SCUBE2: variants seen among roughly 807,000 people sequenced by gnomAD.
SCUBE2 encodes signal peptide, CUB and EGF-like domain-containing protein 2.
In SCUBE2, 114 loss-of-function variants were observed where a neutral mutation model predicts 125.9. The observed-to-expected ratio is 0.91, with a 90% CI of 0.78 to 1.06. The LOEUF (loss-of-function observed/expected upper bound fraction) is 1.06. Among genes scored for constraint, SCUBE2 ranks in the 50% least tolerant of loss-of-function variants. The pLI, the probability that SCUBE2 is intolerant of heterozygous loss-of-function variation, is 0.00. For synonymous variants in SCUBE2, 459 were observed against 492.9 expected, an observed-to-expected ratio of 0.93 and a Z score of 0.91; for missense variants, 1,255 against 1,301.8, an observed-to-expected ratio of 0.96 and a Z score of 0.55.
intron 2 of SCUBE2, among the ~76,000 whole-genome samples, chr11:9,082,704 GTGAAAGAATCCAAC>G (rs1211682010): frequency 6.6e-6 from 1 of 152,224 alleles, no homozygotes; most frequent in Non-Finnish European, 1.5e-5. Context: ...ATTTTGCTAA[GTGAAAGAATCCAAC>G]ACAAAAGACC....
intron 7 of SCUBE2, among the ~76,000 whole-genome samples, chr11:9,062,213 T>C (rs902573711): frequency 1.1e-4 from 16 of 152,194 alleles, no homozygotes; most frequent in African/African-American, 1.2e-4. Flanking sequence ...TTTAAAGCCA[T>C]TGAAAATTCC....
intron 22 of SCUBE2, 26 bp from the exon 23 acceptor site, chr11:9,021,223 T>C: frequency 1.3e-6 from 2 of 1,523,650 alleles, no homozygotes; most frequent in Non-Finnish European, 1.8e-6. Context: ...TTTTTGTTAC[T>C]GGGCCAAAAT....
intron 19 of SCUBE2, among the ~76,000 whole-genome samples, chr11:9,029,320 C>T (rs1856065717): frequency 6.6e-6 from 1 of 152,218 alleles, no homozygotes; most frequent in African/African-American, 2.4e-5. Context: ...CCAGGGGTCT[C>T]CTCCCAAAAG....
At chr11:9,059,748 G>C (rs1859472821) in intron 8 of SCUBE2, 1 of 287,742 alleles carries the variant, frequency 3.5e-6, no homozygotes, top group African/African-American at 2.1e-5. Flanking sequence ...AGGTAAGATG[G>C]GTCTCTTTAG....
intron 16 of SCUBE2, among the ~76,000 whole-genome samples, chr11:9,038,689 A>C (rs79902325): frequency 0.02 from 2,982 of 152,316 alleles, 43 homozygotes; most frequent in Non-Finnish European, 0.032. Context: ...AGATTGCCTA[A>C]TAGCAAGAAA....
At chr11:9,045,317 G>T (rs144992050) in intron 16 of SCUBE2, among the ~76,000 whole-genome samples, 2 of 152,134 alleles carry the variant, frequency 1.3e-5, no homozygotes, top group East Asian at 3.9e-4. Flanking sequence ...CATCTTTACT[G>T]TATACATTTC....
rs1566200880 is a variant in SCUBE2, at chr11:9,051,241, T to TAC, written c.1535-532_1535-531insGT. ...ATCTATCTATCTACCTACCTACCTA[T>TAC]CTATCTATCTATCTATCTACCTATC... On this transcript the variant is annotated intron_variant, in intron 13 of 22. Coordinates refer to ENST00000649792, the MANE Select transcript of SCUBE2 (RefSeq NM_001367977.2). Among the ~76,000 whole-genome samples, 95 of 98,814 alleles carry TAC rather than the reference T, an allele frequency of 9.6e-4. No homozygotes were observed. The East Asian group carries it at 0.02, about 20-fold the overall frequency. The allele number at this position is 98,814 out of a possible 152,430, so 64.8% of individuals were successfully genotyped here. A position where few individuals can be genotyped will look rare whatever the true frequency, so the allele number is the denominator to read the frequency against.
At chr11:9,069,286 G>A in intron 5 of SCUBE2, 84 bp downstream of exon 5, 1 of 1,563,100 alleles carries the variant, frequency 6.4e-7, no homozygotes, top group South Asian at 1.2e-5. Context: ...CGTGCCATGA[G>A]GTGGTGCTTC....
intron 2 of SCUBE2, among the ~76,000 whole-genome samples, chr11:9,089,141 T>A (rs1453103934): frequency 1.3e-5 from 2 of 152,228 alleles, no homozygotes; most frequent in Non-Finnish European, 2.9e-5. Flanking sequence ...TGCAGCTCTA[T>A]GGGCTAAAAT....
At chr11:9,047,694 C>T in intron 15 of SCUBE2, 132 bp from the exon 16 acceptor site, 1 of 990,014 alleles carries the variant, frequency 1.0e-6, no homozygotes, top group Non-Finnish European at 1.5e-6. Context: ...CTGGAGGGGG[C>T]ACCTAGCAGG....
chr11:9,033,097 T>C (rs1171547969), intron 17 of SCUBE2, among the ~76,000 whole-genome samples: 3 of 152,160 alleles, frequency 2.0e-5, no homozygotes, highest in Non-Finnish European at 4.4e-5. Context: ...GGAAGACATT[T>C]AATAATAAAA....
intron 2 of SCUBE2, among the ~76,000 whole-genome samples, chr11:9,085,286 T>C (rs1861957919): frequency 6.6e-6 from 1 of 152,232 alleles, no homozygotes; most frequent in Non-Finnish European, 1.5e-5. Context: ...GTTGATTTCC[T>C]GGTTTTGATA....
Position 9,030,378 on chromosome 11 carries a change from G to T in SCUBE2, c.2342-333C>A, listed in dbSNP as rs563763153. On this transcript the variant is annotated intron_variant, in intron 18 of 22. Coordinates refer to ENST00000649792, the MANE Select transcript of SCUBE2 (RefSeq NM_001367977.2). Reference sequence around the variant, plus strand: ...CAGGCAGTTGCAGAACTGAGGTTGGGTTTAGAGTTGGGCTCCCTGGGAAAA... The same window carrying T: ...CAGGCAGTTGCAGAACTGAGGTTGGTTTTAGAGTTGGGCTCCCTGGGAAAA... 4.6e-5 allele frequency: 19 copies of T among 416,074 alleles called. No homozygotes were observed. In the East Asian group the frequency reaches 8.6e-4, roughly 19 times the overall value. 25.8% of individuals were successfully genotyped at this position (416,074 alleles called of 1,614,324 possible). A position where few individuals can be genotyped will look rare whatever the true frequency, so the allele number is the denominator to read the frequency against.
rs74768858 is a variant in SCUBE2, at chr11:9,069,379, C to T, written c.634G>A (p.Asp212Asn). 2.3e-4 allele frequency: 373 copies of T among 1,614,254 alleles called. 1 individual carries two copies. In the African/African-American group the frequency reaches 3.7e-3, roughly 16 times the overall value. Residue 212 changes from aspartate (D) to asparagine (N), a missense_variant, in exon 5 of 23, where the codon GAC becomes AAC. This residue lies in a region of SCUBE2 where 362 missense variants were observed against 323.0 expected (regional missense o/e 1.12). Coordinates refer to ENST00000649792, the MANE Select transcript of SCUBE2 (RefSeq NM_001367977.2). Reference protein sequence around the residue: ...PGFELAKNQRDCILTCNHGNG... With the variant: ...PGFELAKNQRNCILTCNHGNG... Reference sequence around the variant, plus strand: ...ACTGGCCCATACTTACAGATGCAGTCTCTCTGGTTCTTGGCCAGCTCAAAA... The same window carrying T: ...ACTGGCCCATACTTACAGATGCAGTTTCTCTGGTTCTTGGCCAGCTCAAAA...
intron 14 of SCUBE2, 120 bp downstream of exon 14, chr11:9,050,486 T>A: frequency 1.3e-6 from 1 of 744,472 alleles, no homozygotes; most frequent in Non-Finnish European, 2.4e-6. Flanking sequence ...TTCAGTTCCA[T>A]CTGCAGTGTG....
chr11:9,068,046 T>A (rs1317734794), intron 5 of SCUBE2, among the ~76,000 whole-genome samples: 1 of 152,140 alleles, frequency 6.6e-6, no homozygotes, highest in Non-Finnish European at 1.5e-5. Flanking sequence ...CCTAAGAGCA[T>A]GTCAGAACCT....
Position 9,030,049 on chromosome 11 carries a change from TG to T in SCUBE2, c.2342-5del. ...AAATGTCCAGGTGAACATTGAACTG[TG>T]GGTCAAGGGAGGGTGAAAAGAATGA... On this transcript the variant is annotated splice_region_variant and splice_polypyrimidine_tract_variant and intron_variant, in intron 18 of 22. Coordinates refer to ENST00000649792, the MANE Select transcript of SCUBE2 (RefSeq NM_001367977.2). 1 of 1,613,180 alleles carries T rather than the reference TG, an allele frequency of 6.2e-7. No individual in the cohort carries two copies. Among genetic ancestry groups the T allele is most frequent in the Non-Finnish European group, 8.5e-7 (1 of 1,179,240 alleles).
intron 9 of SCUBE2, among the ~76,000 whole-genome samples, chr11:9,058,051 A>T (rs960151389): frequency 6.6e-6 from 1 of 152,110 alleles, no homozygotes; most frequent in Non-Finnish European, 1.5e-5. Flanking sequence ...TATGGGAAGG[A>T]TGTGTTTGAG....
At chr11:9,089,866 C>T in intron 1 of SCUBE2, 37 bp from the exon 2 acceptor site, 1 of 1,608,098 alleles carries the variant, frequency 6.2e-7, no homozygotes, top group South Asian at 1.1e-5. Context: ...GTACAGGCTC[C>T]CAGGCCATGT....
Sources: allele counts gnomAD v4.1 joint callset (sites outside exome capture counted in the v4.1 genomes callset), GRCh38; gene constraint gnomAD v4.1.1; regional missense constraint gnomAD v4.1.1; transcripts MANE v1.5; gene names NCBI Gene and HGNC (gene_info 2026-07-23, HGNC 2026-07-21).